The following MAD1L1 variants were observed in gnomAD, a reference collection of about 807,000 sequenced individuals.
MAD1L1 encodes the protein mitotic spindle assembly checkpoint protein MAD1.
Under a neutral mutation model 96.9 loss-of-function variants are expected in MAD1L1, and 95 were observed. The ratio of observed to expected loss-of-function variants is 0.98; its 90% CI spans 0.83 to 1.16. The LOEUF is 1.16. MAD1L1 is among the 50% of genes most tolerant of loss of function. The pLI, the probability that MAD1L1 is intolerant of heterozygous loss-of-function variation, is 0.00. For missense variants in MAD1L1, 1,007 were observed against 954.4 expected (o/e 1.06, Z -0.73); for synonymous variants, 473 against 396.6 (o/e 1.19, Z -2.29).
At chr7:2,000,488 C>A (rs1263948584) in intron 14 of MAD1L1, among the ~76,000 whole-genome samples, 1 of 152,232 alleles carries the variant, frequency 6.6e-6, no homozygotes, top group African/African-American at 2.4e-5. Flanking sequence ...GACCCCGCTT[C>A]TGTCACCCCT....
intron 10 of MAD1L1, among the ~76,000 whole-genome samples, chr7:2,149,934 C>T (rs1338752161): frequency 6.6e-6 from 1 of 152,214 alleles, no homozygotes; most frequent in African/African-American, 2.4e-5. Context: ...TTCCCAGCCT[C>T]ACAACCTGGG....
At chr7:1,855,173 C>T (rs1784181480) in intron 18 of MAD1L1, among the ~76,000 whole-genome samples, 1 of 152,278 alleles carries the variant, frequency 6.6e-6, no homozygotes, top group East Asian at 1.9e-4. Context: ...TCGACAGCCT[C>T]CCTCATCCTT....
intron 11 of MAD1L1, among the ~76,000 whole-genome samples, chr7:2,117,725 C>G (rs903502889): frequency 6.6e-6 from 1 of 152,122 alleles, no homozygotes; most frequent in African/African-American, 2.4e-5. Context: ...TTAATTAAAC[C>G]TTTTTCCTTT....
intron 17 of MAD1L1, among the ~76,000 whole-genome samples, chr7:1,922,621 G>A (rs751456314): frequency 7.2e-5 from 11 of 152,168 alleles, no homozygotes; most frequent in South Asian, 6.2e-4. Flanking sequence ...TTTCCAGTCC[G>A]TGTGCCTTCG....
chr7:1,889,206 T>G (rs1786383976), intron 18 of MAD1L1, among the ~76,000 whole-genome samples: 1 of 152,116 alleles, frequency 6.6e-6, no homozygotes, highest in Admixed American at 6.5e-5. Context: ...GCAAGCGACA[T>G]CCACACCAAG....
intron 18 of MAD1L1, among the ~76,000 whole-genome samples, chr7:1,888,644 G>A (rs116713871): frequency 6.6e-6 from 1 of 152,034 alleles, no homozygotes; most frequent in Non-Finnish European, 1.5e-5. Context: ...GTGGATGCCT[G>A]TGTGTGCGCG....
intron 17 of MAD1L1, among the ~76,000 whole-genome samples, chr7:1,925,665 G>A (rs148952064): frequency 5.3e-5 from 8 of 152,362 alleles, no homozygotes; most frequent in East Asian, 3.9e-4. Context: ...TTTCCAACAC[G>A]TGGACTTTGG....
intron 15 of MAD1L1, among the ~76,000 whole-genome samples, chr7:1,980,248 G>A (rs1031133527): frequency 3.3e-5 from 5 of 152,154 alleles, no homozygotes; most frequent in South Asian, 2.1e-4. Context: ...ACGCATGAGC[G>A]TGCCCACCTC....
chr7:1,885,098 AC>A (rs1407944992), intron 18 of MAD1L1, among the ~76,000 whole-genome samples: 2 of 152,182 alleles, frequency 1.3e-5, no homozygotes, highest in Non-Finnish European at 2.9e-5. Flanking sequence ...CAAGGCGGGG[AC>A]CCAGGAGCAG....
intron 10 of MAD1L1, chr7:2,201,931 G>A (rs1792327856): frequency 1.3e-5 from 2 of 152,362 alleles, no homozygotes; most frequent in African/African-American, 2.4e-5. Context: ...GGGGCGGAGA[G>A]GGGCACAGGC....
chr7:1,945,052 A>G (rs1779165701), intron 16 of MAD1L1, among the ~76,000 whole-genome samples: 1 of 152,154 alleles, frequency 6.6e-6, no homozygotes, highest in Admixed American at 6.5e-5. Context: ...GACAGTGGAC[A>G]CCGAGACCCT....
intron 10 of MAD1L1, among the ~76,000 whole-genome samples, chr7:2,177,415 C>T (rs936759767): frequency 2.6e-5 from 4 of 152,080 alleles, no homozygotes; most frequent in African/African-American, 4.8e-5. Flanking sequence ...TGGTATATTC[C>T]GGGAATATTT....
rs3800935 is a variant in MAD1L1, at chr7:2,220,219, C to T, written c.472-763G>A. Among the ~76,000 whole-genome samples the T allele has an allele frequency of 4.6e-3, 693 of 152,284 alleles. 25 individuals carry two copies. The East Asian group carries it at 0.089, about 20-fold the overall frequency. The stretch of plus-strand genomic sequence containing the variant: ...GCCGTGCGCTTGGAACGGGAGCACG[C>T]GGCACGGGCAGGAGCGCCCCTGGGG... On this transcript the variant is annotated intron_variant, in intron 5 of 18. Transcript: ENST00000265854.
At chr7:2,017,206 G>T (rs924257909) in intron 12 of MAD1L1, among the ~76,000 whole-genome samples, 20 of 152,220 alleles carry the variant, frequency 1.3e-4, no homozygotes, top group Admixed American at 1.2e-3. Flanking sequence ...CTCCACCTGC[G>T]GGCAAGTCCA....
chr7:1,926,776 G>T (rs931902051), intron 17 of MAD1L1, among the ~76,000 whole-genome samples: 1 of 152,220 alleles, frequency 6.6e-6, no homozygotes, highest in East Asian at 1.9e-4. Context: ...CTAGCAGCAC[G>T]CCTCATGGAG....
intron 14 of MAD1L1, among the ~76,000 whole-genome samples, chr7:1,990,361 G>A (rs1781353950): frequency 6.6e-6 from 1 of 152,214 alleles, no homozygotes; most frequent in Non-Finnish European, 1.5e-5. Context: ...GCACCCTCTG[G>A]CACCAGGAAG....
intron 18 of MAD1L1, among the ~76,000 whole-genome samples, chr7:1,823,222 ATT>A (rs1474885281): frequency 1.3e-5 from 2 of 151,966 alleles, no homozygotes; most frequent in African/African-American, 4.8e-5. Context: ...TTAAAAAAAA[ATT>A]TTTTTGACCG....
chr7:1,826,285 C>T (rs6974455), intron 18 of MAD1L1, among the ~76,000 whole-genome samples: 63,532 of 151,730 alleles, frequency 0.42, 13,465 homozygotes, highest in Non-Finnish European at 0.45. Flanking sequence ...CTGGCCCGTC[C>T]GCGCTCTGAG....
intron 12 of MAD1L1, among the ~76,000 whole-genome samples, chr7:2,057,154 C>T (rs2128520939): frequency 6.6e-6 from 1 of 152,370 alleles, no homozygotes; most frequent in South Asian, 2.1e-4. Flanking sequence ...GGCCCTTGAG[C>T]TCCGAGTCTG....
Sources: gnomAD v4.1 joint callset for allele counts (sites outside exome capture counted in the v4.1 genomes callset) on GRCh38, gnomAD v4.1.1 for gene constraint, MANE v1.5 for transcripts, NCBI Gene and HGNC (gene_info 2026-07-23, HGNC 2026-07-21) for gene names.